Variants in FBXW11 observed in about 807,000 individuals in gnomAD.
The protein encoded by FBXW11 is F-box/WD repeat-containing protein 11.
In FBXW11, 19 loss-of-function variants were observed where a neutral mutation model predicts 77.6. The ratio of observed to expected loss-of-function variants is 0.24; its 90% CI spans 0.17 to 0.36. The LOEUF (loss-of-function observed/expected upper bound fraction) is 0.36. Ranked by LOEUF, FBXW11 falls within the 10% of genes least tolerant of loss-of-function variation. The pLI is 1.00. For missense variants in FBXW11, 334 were observed against 704.2 expected, an observed-to-expected ratio of 0.47 and a Z score of 5.95; for synonymous variants, 235 against 249.4, an observed-to-expected ratio of 0.94 and a Z score of 0.54.
chr5:171,903,837 G>A (rs1314545775), intron 4 of FBXW11, among the ~76,000 whole-genome samples: 2 of 151,798 alleles, frequency 1.3e-5, no homozygotes, highest in Non-Finnish European at 2.9e-5. Flanking sequence ...AATTTTAGTA[G>A]AGACAGGATC....
chr5:171,891,059 C>T (rs1463386202), intron 7 of FBXW11, among the ~76,000 whole-genome samples: 2 of 152,140 alleles, frequency 1.3e-5, no homozygotes, highest in Non-Finnish European at 2.9e-5. Flanking sequence ...TTATCTACTA[C>T]TGAAAAGTTA....
intron 1 of FBXW11, among the ~76,000 whole-genome samples, chr5:171,973,017 T>A (rs1764620896): frequency 6.6e-6 from 1 of 152,222 alleles, no homozygotes; most frequent in Admixed American, 6.5e-5. Flanking sequence ...AGAAGTACTG[T>A]GCTTTCAAGG....
intron 2 of FBXW11, among the ~76,000 whole-genome samples, chr5:171,916,818 T>C (rs964424012): frequency 1.3e-5 from 2 of 152,126 alleles, no homozygotes; most frequent in East Asian, 1.9e-4. Flanking sequence ...GGAAGAGAGA[T>C]GGGAAGTCAG....
At chr5:171,901,823 C>T (rs185947621) in intron 4 of FBXW11, among the ~76,000 whole-genome samples, 19 of 152,324 alleles carry the variant, frequency 1.2e-4, no homozygotes, top group Admixed American at 2.6e-4. Flanking sequence ...ACCTTCAAAG[C>T]TTTGTCTGAC....
chr5:171,967,869 TATATATATATATATACAC>T (rs1476573483), intron 1 of FBXW11, among the ~76,000 whole-genome samples: 1,034 of 74,190 alleles, frequency 0.014, 31 homozygotes, highest in Admixed American at 0.088. Context: ...TATATATATA[TATATATATATATATACAC>T]ACACACACAC....
chr5:171,992,910 A>C (rs1765830682), intron 1 of FBXW11, among the ~76,000 whole-genome samples: 1 of 152,104 alleles, frequency 6.6e-6, no homozygotes, highest in South Asian at 2.1e-4. Flanking sequence ...GGAAAATTCA[A>C]CTGTTTTCTC....
rs758638591 is a variant in FBXW11, at chr5:171,913,832, C to CACACATACACACACACACACAT, written c.210+510_210+511insATGTGTGTGTGTGTGTATGTGT. ...CCACACACACATACACACACACACA[C>CACACATACACACACACACACAT]ACACACACACACACACACACACACA... On this transcript the variant is annotated intron_variant, in intron 3 of 13. Coordinates refer to ENST00000517395, the MANE Select transcript of FBXW11 (RefSeq NM_001378974.1). 2.9e-4 allele frequency among the ~76,000 whole-genome samples: 37 copies of CACACATACACACACACACACAT among 129,334 alleles called. 2 individuals carry two copies. The highest frequency in any genetic ancestry group is 7.8e-3 in the Middle Eastern group (2 of 258). 84.8% of individuals were successfully genotyped at this position (129,334 alleles called of 152,430 possible).
intron 1 of FBXW11, among the ~76,000 whole-genome samples, chr5:171,958,021 T>C (rs1763706774): frequency 6.6e-6 from 1 of 152,196 alleles, no homozygotes; most frequent in Non-Finnish European, 1.5e-5. Context: ...GTGGTGAGAT[T>C]GTCGACTACA....
chr5:171,910,877 C>T (rs957046914), intron 3 of FBXW11, 80 bp from the exon 4 acceptor site: 3 of 1,036,788 alleles, frequency 2.9e-6, no homozygotes, highest in Non-Finnish European at 4.1e-6. Flanking sequence ...TATTTTTCAC[C>T]CTGTGTATTT....
chr5:171,947,003 C>T (rs533706027), intron 2 of FBXW11, among the ~76,000 whole-genome samples: 1 of 151,976 alleles, frequency 6.6e-6, no homozygotes, highest in African/African-American at 2.4e-5. Flanking sequence ...TTAGTAGAGA[C>T]AGAGTTCACC....
rs756222477 is a variant in FBXW11, at chr5:171,889,898, A to T, written c.852+1569T>A. Among the ~76,000 whole-genome samples the T allele has an allele frequency of 7.8e-4, 118 of 152,086 alleles. 2 individuals are homozygous for T. The highest frequency in any genetic ancestry group is 1.4e-3 in the Non-Finnish European group (98 of 68,022). ...AGGGTAAAACTCCGTCTCAAAAAAAATTTTTTTTAAATAAAAAGAAAATGA... is the reference window on the plus strand; with the variant it reads ...AGGGTAAAACTCCGTCTCAAAAAAATTTTTTTTTAAATAAAAAGAAAATGA... On this transcript the variant is annotated intron_variant, in intron 7 of 13. Coordinates refer to ENST00000517395, the MANE Select transcript of FBXW11 (RefSeq NM_001378974.1).
intron 1 of FBXW11, among the ~76,000 whole-genome samples, chr5:171,992,932 T>C (rs544201250): frequency 5.9e-5 from 9 of 152,016 alleles, no homozygotes; most frequent in African/African-American, 2.2e-4. Context: ...GAGTTGAAAA[T>C]GAACACAAAA....
At chr5:171,991,777 G>A (rs1765750877) in intron 1 of FBXW11, among the ~76,000 whole-genome samples, 1 of 152,128 alleles carries the variant, frequency 6.6e-6, no homozygotes, top group Non-Finnish European at 1.5e-5. Flanking sequence ...CTGACTAGGA[G>A]TAAGTAATAG....
At chr5:171,871,664 A>T (rs1399925565) in intron 10 of FBXW11, among the ~76,000 whole-genome samples, 1 of 152,262 alleles carries the variant, frequency 6.6e-6, no homozygotes, top group Non-Finnish European at 1.5e-5. Flanking sequence ...AAAAAATCAT[A>T]GCTAGTTAGC....
intron 2 of FBXW11, among the ~76,000 whole-genome samples, chr5:171,956,345 G>A (rs1763611572): frequency 6.6e-6 from 1 of 152,096 alleles, no homozygotes; most frequent in Non-Finnish European, 1.5e-5. Context: ...TCATTACACT[G>A]AGCCTCACTG....
At chr5:171,977,048 AG>A (rs1466531678) in intron 1 of FBXW11, among the ~76,000 whole-genome samples, 1 of 151,560 alleles carries the variant, frequency 6.6e-6, no homozygotes, top group Non-Finnish European at 1.5e-5. Context: ...AAAAAAAAAA[AG>A]AAATCTCTGG....
chr5:171,883,648 T>C (rs1758676575), intron 7 of FBXW11, among the ~76,000 whole-genome samples: 1 of 152,188 alleles, frequency 6.6e-6, no homozygotes, highest in Non-Finnish European at 1.5e-5. Context: ...GCATCTACTG[T>C]TTTTTGATTT....
intron 1 of FBXW11, among the ~76,000 whole-genome samples, chr5:171,993,979 G>A (rs1358562766): frequency 6.6e-6 from 1 of 152,166 alleles, no homozygotes; most frequent in Non-Finnish European, 1.5e-5. Flanking sequence ...TGTACTAAAA[G>A]GTAACCTCAA....
chr5:171,929,817 G>T (rs991102764), intron 2 of FBXW11, among the ~76,000 whole-genome samples: 1 of 151,998 alleles, frequency 6.6e-6, no homozygotes, highest in African/African-American at 2.4e-5. Context: ...GCACCACTGC[G>T]CTCCAGCCTA....
Sources: gnomAD v4.1 joint callset for allele counts (sites outside exome capture counted in the v4.1 genomes callset) on GRCh38, gnomAD v4.1.1 for gene constraint, MANE v1.5 for transcripts, NCBI Gene and HGNC (gene_info 2026-07-23, HGNC 2026-07-21) for gene names.